CCT4: variants seen among roughly 807,000 people sequenced by gnomAD.
CCT4 encodes T-complex protein 1 subunit delta.
Under a neutral mutation model 62.5 loss-of-function variants are expected in CCT4, and 17 were observed. That is an observed-to-expected ratio of 0.27 (90% confidence interval 0.19 to 0.41). The LOEUF is 0.41. CCT4 is among the 10% of genes least tolerant of loss of function. CCT4 has a pLI of 1.00. For synonymous variants in CCT4, 250 were observed against 229.9 expected (o/e 1.09, Z -0.79); for missense variants, 592 against 659.2 (o/e 0.90, Z 1.12).
At chr2:61,878,171 A>C (rs774261473) in intron 5 of CCT4, among the ~76,000 whole-genome samples, 42 of 152,188 alleles carry the variant, frequency 2.8e-4, no homozygotes, top group Non-Finnish European at 5.0e-4. Context: ...AAACAAAATG[A>C]ATGTATGGAC....
In CCT4 at chr2:61,869,461, G is replaced by A. The variant is rs1668840043; in HGVS notation, c.1584C>T (p.Ser528=). The A allele has an allele frequency of 1.9e-6, 3 of 1,605,130 alleles. No homozygotes were observed. The highest frequency in any genetic ancestry group is 2.6e-6 in the Non-Finnish European group (3 of 1,171,794). Residue 528 remains serine, a synonymous_variant, in exon 13 of 14, where the codon AGC becomes AGT. Transcript: ENST00000394440. ...TTACCACATCATCTATTTTCAGAATGCTCCGAACAGTTTCAGTTGCAAGAG... is the reference window on the plus strand; with the variant it reads ...TTACCACATCATCTATTTTCAGAATACTCCGAACAGTTTCAGTTGCAAGAG... ...ALTLATETVR[S]ILKIDDVVNT...
chr2:61,877,999 A>G (rs62149891), intron 5 of CCT4, among the ~76,000 whole-genome samples: 15,546 of 152,152 alleles, frequency 0.1, 1,165 homozygotes, highest in Admixed American at 0.23. Context: ...AGGTTAAGTC[A>G]TTTGGCCAAA....
chr2:61,887,055 G>C (rs1195610240), intron 1 of CCT4, among the ~76,000 whole-genome samples: 2 of 151,980 alleles, frequency 1.3e-5, no homozygotes, highest in Admixed American at 1.3e-4. Flanking sequence ...CACCCTGCCC[G>C]ACCCAAAATT....
At chr2:61,877,694 G>C (rs1412994466) in intron 5 of CCT4, among the ~76,000 whole-genome samples, 180 bp from the exon 6 acceptor site, 1 of 152,134 alleles carries the variant, frequency 6.6e-6, no homozygotes, top group Admixed American at 6.5e-5. Flanking sequence ...GTTGTCACCA[G>C]GGGCACAAAA....
chr2:61,888,502 G>A lies in CCT4; in HGVS notation c.6C>T (p.Pro2=), dbSNP rs563213115. The A allele has an allele frequency of 2.3e-5, 37 of 1,611,626 alleles. No individual in the cohort carries two copies. The South Asian group carries it at 3.9e-4, about 17-fold the overall frequency. Residue 2 remains proline, a synonymous_variant, in exon 1 of 14, where the codon CCC becomes CCT. Transcript: ENST00000394440. The part of the protein sequence containing the change: M[P]ENVAPRSGAT... ...CCCCGCTCCGGGGTGCCACATTCTC[G>A]GGCATGGCAAACTCCGCTGTGTCTG...
chr2:61,875,582 CAAAA>C (rs35222263), intron 8 of CCT4, among the ~76,000 whole-genome samples: 3 of 110,420 alleles, frequency 2.7e-5, no homozygotes, highest in African/African-American at 3.6e-5. Context: ...GACTCTGTCT[CAAAA>C]AAAAAAAAAA....
chr2:61,876,303 G>A (rs1488046424), intron 7 of CCT4, 69 bp from the exon 8 acceptor site: 8 of 1,187,396 alleles, frequency 6.7e-6, no homozygotes, highest in East Asian at 2.4e-5. Context: ...AATTTTAAGC[G>A]AAAATACTAT....
chr2:61,869,405 C>T (rs943773993), intron 13 of CCT4, 35 bp downstream of exon 13: 1 of 1,137,048 alleles, frequency 8.8e-7, no homozygotes, highest in Non-Finnish European at 1.3e-6. Context: ...GCCTTTTTGA[C>T]CTCCTAAGAA....
rs775202702 is a variant in CCT4 at position 61,876,203 on chromosome 2, G to A, written c.809C>T (p.Ala270Val). The change falls in exon 8 of 14, where the codon GCC (alanine) becomes GTC (valine). Residue 270 changes from alanine (A) to valine (V), a missense_variant. Physicochemically the swap from Ala to Val is moderately conservative, Grantham distance 64. Around this residue, in one of 3 missense-constraint regions of CCT4, gnomAD observed 522 missense variants for 571.2 expected, o/e 0.91. Transcript: ENST00000394440. The part of the protein sequence containing the change: ...MDNQIVVSDY[A>V]QMDRVLREER... Reference sequence around the variant, plus strand: ...TTCTCGCAGCACTCGGTCCATCTGGGCATAGTCAGAAACCACTATTTGATT... The same window carrying A: ...TTCTCGCAGCACTCGGTCCATCTGGACATAGTCAGAAACCACTATTTGATT... 3 of 1,608,106 alleles carry A rather than the reference G, an allele frequency of 1.9e-6. No individual in the cohort carries two copies. The highest frequency in any genetic ancestry group is 2.2e-5 in the South Asian group (2 of 90,132).
Position 61,868,657 on chromosome 2 carries a change from C to T in CCT4, c.*35G>A, listed in dbSNP as rs199950866. 1.3e-5 allele frequency: 20 copies of T among 1,521,460 alleles called. No homozygotes were observed. The East Asian group carries it at 3.1e-4, about 24-fold the overall frequency. 94.2% of individuals were successfully genotyped at this position (1,521,460 alleles called of 1,614,324 possible). ...ATCTTCTTCCATTCCAGCCACAATA[C>T]TGGTGATCATAATGGTGCTAGTCAG... On this transcript the variant is annotated 3_prime_UTR_variant, in exon 14 of 14. Coordinates refer to ENST00000394440, the MANE Select transcript of CCT4 (RefSeq NM_006430.4).
intron 12 of CCT4, among the ~76,000 whole-genome samples, 200 bp downstream of exon 12, chr2:61,871,882 T>C (rs141839298): frequency 6.6e-6 from 1 of 152,344 alleles, no homozygotes; most frequent in Non-Finnish European, 1.5e-5. Flanking sequence ...GCAGATTTAA[T>C]GAACAAATAA....
Position 61,888,470 on chromosome 2 carries a change from G to C in CCT4, c.38C>G (p.Ala13Gly), listed in dbSNP as rs1202008323. ...TTTCCCGCGGCCGCCGGCAGCCCCG[G>C]CAGTCGCCCCGCTCCGGGGTGCCAC... ...ENVAPRSGAT[A>G]GAAGGRGKGA... The change falls in exon 1 of 14, where the codon GCC becomes GGC. Residue 13 changes from alanine (A) to glycine (G), a missense_variant. Physicochemically the swap from Ala to Gly is moderately conservative, Grantham distance 60 (BLOSUM62 0). This residue lies in a region of CCT4 where 67 missense variants were observed against 71.1 expected (regional missense o/e 0.94). Coordinates refer to ENST00000394440, the MANE Select transcript of CCT4 (RefSeq NM_006430.4). 2 of 1,611,908 alleles carry C rather than the reference G, an allele frequency of 1.2e-6. No individual in the cohort carries two copies. The highest frequency in any genetic ancestry group is 1.3e-5 in the African/African-American group (1 of 74,894).
chr2:61,877,750 G>A (rs1030521450), intron 5 of CCT4, among the ~76,000 whole-genome samples: 2 of 151,982 alleles, frequency 1.3e-5, no homozygotes, highest in East Asian at 1.9e-4. Flanking sequence ...TATAATAGCC[G>A]GGACTGTAGA....
chr2:61,874,964 G>C (rs1210590367), intron 8 of CCT4, among the ~76,000 whole-genome samples: 1 of 151,992 alleles, frequency 6.6e-6, no homozygotes, highest in Non-Finnish European at 1.5e-5. Context: ...GACTAACAGA[G>C]AAACCCCGTC....
intron 10 of CCT4, among the ~76,000 whole-genome samples, 183 bp downstream of exon 10, chr2:61,872,819 C>T (rs1410445918): frequency 6.6e-6 from 1 of 151,978 alleles, no homozygotes; most frequent in Non-Finnish European, 1.5e-5. Flanking sequence ...CCCAGCTTCC[C>T]GGGAGGCTGA....
chr2:61,874,834 A>G (rs1572917357), intron 8 of CCT4, among the ~76,000 whole-genome samples: 2 of 152,008 alleles, frequency 1.3e-5, no homozygotes, highest in East Asian at 1.9e-4. Context: ...AGGTAAGATT[A>G]TATATCCTAC....
Position 61,876,127 on chromosome 2 carries a change from A to G in CCT4, c.885T>C (p.Cys295=), listed in dbSNP as rs1487576138. 6.2e-7 allele frequency: 1 copy of G among 1,604,974 alleles called. No individual in the cohort carries two copies. The highest frequency in any genetic ancestry group is 2.2e-5 in the East Asian group (1 of 44,794). ...TAGATTTCTGTATGAGAAGGACATT[A>G]CATCCTGTTTTTTTAATTTGCTTCA... ...NLVKQIKKTG[C]NVLLIQKSIL... Residue 295 remains cysteine, a synonymous_variant, in exon 8 of 14, where the codon TGT becomes TGC. Coordinates refer to ENST00000394440, the MANE Select transcript of CCT4 (RefSeq NM_006430.4).
rs1174987874 is a variant in CCT4, at chr2:61,872,127, G to C, written c.1446C>G (p.Asn482Lys). 3 of 1,613,776 alleles carry C rather than the reference G, an allele frequency of 1.9e-6. No individual in the cohort carries two copies. The highest frequency in any genetic ancestry group is 2.5e-6 in the Non-Finnish European group (3 of 1,179,924). The change falls in exon 12 of 14, where the codon AAC (asparagine) becomes AAG (lysine). Residue 482 changes from asparagine (N) to lysine (K), a missense_variant. Physicochemically the swap from Asn to Lys is moderately conservative, Grantham distance 94 (BLOSUM62 0). This residue lies in a region of CCT4 where 522 missense variants were observed against 571.2 expected (regional missense o/e 0.91). Coordinates refer to ENST00000394440, the MANE Select transcript of CCT4 (RefSeq NM_006430.4). ...CAGTTTTTTCTCCCTGGGCATGCCG[G>C]TTTCTTAGTTCTGTTACTGTAGAAA... ...NPISTVTELR[N>K]RHAQGEKTAG...
At chr2:61,883,311 C>A in intron 3 of CCT4, 148 bp downstream of exon 3, 1 of 544,688 alleles carries the variant, frequency 1.8e-6, no homozygotes, top group Non-Finnish European at 3.2e-6. Context: ...ATCCCAGCTA[C>A]TCAGGAGGCT....
Sources: gnomAD v4.1 joint callset for allele counts (sites outside exome capture counted in the v4.1 genomes callset) on GRCh38, gnomAD v4.1.1 for gene constraint, gnomAD v4.1.1 regional missense constraint, MANE v1.5 for transcripts, NCBI Gene and HGNC (gene_info 2026-07-23, HGNC 2026-07-21) for gene names.